The following HSF2BP variants were observed in gnomAD, a reference collection of about 807,000 sequenced individuals.
HSF2BP encodes heat shock factor 2-binding protein.
Under a neutral mutation model 35.0 loss-of-function variants are expected in HSF2BP, and 35 were observed. That is an observed-to-expected ratio of 1.00 (90% confidence interval 0.76 to 1.32). The LOEUF is 1.32. HSF2BP is among the 40% of genes most tolerant of loss of function. HSF2BP has a pLI of 0.00. For synonymous variants in HSF2BP, 114 were observed against 117.4 expected (o/e 0.97, Z 0.18); for missense variants, 326 against 321.7 (o/e 1.01, Z -0.10).
intron 7 of HSF2BP, among the ~76,000 whole-genome samples, chr21:43,604,536 CACACACCAT>C (rs1205106442): frequency 4.8e-5 from 7 of 147,126 alleles, no homozygotes; most frequent in African/African-American, 1.0e-4. Context: ...ACACACACCA[CACACACCAT>C]ACACACCCCA....
intron 5 of HSF2BP, among the ~76,000 whole-genome samples, chr21:43,632,043 ACACG>A: frequency 3.0e-5 from 1 of 33,234 alleles, no homozygotes; most frequent in African/African-American, 1.9e-4. Context: ...CCACACACAC[ACACG>A]CTCCCCCCCC....
chr21:43,496,467 T>C, the HSF2BP span, among the ~76,000 whole-genome samples: 14 of 48,094 alleles, frequency 2.9e-4, no homozygotes, highest in African/African-American at 9.9e-4. Flanking sequence ...AAGCAATCTA[T>C]AGATTCAACG....
At position 43,604,484 on chromosome 21, in the gene HSF2BP, A is replaced by G. The variant is rs1382767840; in HGVS notation, c.692+9346T>C. On this transcript the variant is annotated intron_variant, in intron 7 of 8. Coordinates refer to ENST00000291560, the MANE Select transcript of HSF2BP (RefSeq NM_007031.2). ...ACACAACACACAGCACGCACACCAT[A>G]CACACACACACCACACACTACACAC... Among the ~76,000 whole-genome samples, 2 of 32,622 alleles carry G rather than the reference A, an allele frequency of 6.1e-5. 1 individual carries two copies. Among genetic ancestry groups the G allele is most frequent in the African/African-American group, 1.4e-4 (2 of 14,322 alleles). 21.4% of individuals were successfully genotyped at this position (32,622 alleles called of 152,430 possible). A position where few individuals can be genotyped will look rare whatever the true frequency, so the allele number is the denominator to read the frequency against.
At chr21:43,590,359 T>C (rs1004168544) in intron 8 of HSF2BP, among the ~76,000 whole-genome samples, 7 of 152,206 alleles carry the variant, frequency 4.6e-5, no homozygotes, top group African/African-American at 1.7e-4. Context: ...AGAATGACCA[T>C]ACACTAATAC....
At chr21:43,648,424 G>A (rs532797724) in intron 3 of HSF2BP, among the ~76,000 whole-genome samples, 80 of 152,320 alleles carry the variant, frequency 5.3e-4, no homozygotes, top group African/African-American at 1.5e-3. Flanking sequence ...CTCTCGCCAC[G>A]TCTGGTACCT....
Position 43,613,902 on chromosome 21 carries a change from C to A in HSF2BP, c.620G>T (p.Ser207Ile). The A allele has an allele frequency of 6.2e-7, 1 of 1,610,348 alleles. No homozygotes were observed. Among genetic ancestry groups the A allele is most frequent in the Non-Finnish European group, 8.5e-7 (1 of 1,179,254 alleles). ...ACGREFLVNS[S>I]RVLLDTILQL... ...CAATATGGTGTCCAAGAGCACCCGG[C>A]TTGAATTAACCAAGAATTCACGACC... The change falls in exon 7 of 9, where the codon AGC becomes ATC. Residue 207 changes from serine to isoleucine, a missense_variant. Coordinates refer to ENST00000291560, the MANE Select transcript of HSF2BP (RefSeq NM_007031.2).
At chr21:43,496,019 A>G in the HSF2BP span, among the ~76,000 whole-genome samples, 9 of 123,742 alleles carry the variant, frequency 7.3e-5, no homozygotes, top group South Asian at 2.5e-4. Context: ...ACACACGTGC[A>G]CACACACACA....
intron 8 of HSF2BP, among the ~76,000 whole-genome samples, chr21:43,581,913 T>C (rs1320931016): frequency 8.6e-6 from 1 of 116,782 alleles, no homozygotes; most frequent in African/African-American, 3.7e-5. Context: ...GAGGCCCTGC[T>C]GTGGGAGATG....
intron 7 of HSF2BP, among the ~76,000 whole-genome samples, chr21:43,594,866 A>G (rs867589704): frequency 5.3e-5 from 8 of 152,362 alleles, no homozygotes; most frequent in Middle Eastern, 6.8e-3. Flanking sequence ...GTTAATGAAC[A>G]GGATACTCCT....
chr21:43,631,524 C>T (rs1242524912), intron 5 of HSF2BP, among the ~76,000 whole-genome samples: 1 of 151,972 alleles, frequency 6.6e-6, no homozygotes, highest in Non-Finnish European at 1.5e-5. Context: ...CACAACTCCA[C>T]CTCCTAATCC....
the HSF2BP span, among the ~76,000 whole-genome samples, chr21:43,459,548 G>A: frequency 4.1e-5 from 4 of 97,752 alleles, 1 homozygote; most frequent in South Asian, 3.7e-4. Flanking sequence ...ACACTCCCCC[G>A]GCCCTGCACA....
chr21:43,616,052 A>ATATATAT (rs1555868377), intron 6 of HSF2BP, among the ~76,000 whole-genome samples: 3 of 144,010 alleles, frequency 2.1e-5, no homozygotes, highest in African/African-American at 5.1e-5. Context: ...AAAAAAAAAA[A>ATATATAT]ATATATATAT....
intron 8 of HSF2BP, among the ~76,000 whole-genome samples, chr21:43,574,494 A>C (rs2081616091): frequency 1.3e-5 from 2 of 152,024 alleles, no homozygotes; most frequent in African/African-American, 4.8e-5. Context: ...AGTAGCTGGG[A>C]CTACAGGCAC....
chr21:43,583,647 T>C (rs1366940455), intron 8 of HSF2BP, among the ~76,000 whole-genome samples: 2 of 120,648 alleles, frequency 1.7e-5, no homozygotes, highest in Non-Finnish European at 1.7e-5. Flanking sequence ...CTGAGGGAGA[T>C]GAAGGACCTG....
chr21:43,655,993 C>G (rs1314255861), intron 3 of HSF2BP, among the ~76,000 whole-genome samples: 1 of 152,184 alleles, frequency 6.6e-6, no homozygotes, highest in East Asian at 1.9e-4. Flanking sequence ...TGGCCTTTAC[C>G]GTCAAAGGCT....
intron 4 of HSF2BP, among the ~76,000 whole-genome samples, chr21:43,638,218 GAGA>G (rs1157528635): frequency 6.6e-6 from 1 of 152,184 alleles, no homozygotes; most frequent in African/African-American, 2.4e-5. Context: ...CCAGCACCAA[GAGA>G]CCAAGGCAGG....
At chr21:43,640,431 G>A (rs1016967567) in intron 4 of HSF2BP, among the ~76,000 whole-genome samples, 9 of 152,246 alleles carry the variant, frequency 5.9e-5, no homozygotes, top group African/African-American at 2.2e-4. Context: ...TGGCTATAAA[G>A]GGGTAGCACC....
At chr21:43,622,670 A>C (rs896117280) in intron 6 of HSF2BP, among the ~76,000 whole-genome samples, 2 of 152,326 alleles carry the variant, frequency 1.3e-5, no homozygotes, top group Non-Finnish European at 2.9e-5. Flanking sequence ...CAAGTATATA[A>C]ATCAATCATT....
intron 3 of HSF2BP, 142 bp downstream of exon 3, chr21:43,656,445 T>A (rs988682093): frequency 1.2e-6 from 1 of 809,666 alleles, no homozygotes; most frequent in Non-Finnish European, 1.9e-6. Flanking sequence ...AAACCTCCCT[T>A]TCTTAGGTCA....
Sources: allele counts gnomAD v4.1 joint callset (sites outside exome capture counted in the v4.1 genomes callset), GRCh38; gene constraint gnomAD v4.1.1; transcripts MANE v1.5; gene names NCBI Gene and HGNC (gene_info 2026-07-23, HGNC 2026-07-21).